The following LAMC2 variants were observed in gnomAD, a reference collection of about 807,000 sequenced individuals.
The protein encoded by LAMC2 is laminin subunit gamma 2, also known as laminin subunit gamma-2.
In LAMC2, 97 loss-of-function variants were observed where a neutral mutation model predicts 140.2. The ratio of observed to expected loss-of-function variants is 0.69; its 90% CI spans 0.59 to 0.82. The LOEUF (loss-of-function observed/expected upper bound fraction) is 0.82, where lower values mean the gene tolerates loss of function less well. LAMC2 is among the 40% of genes least tolerant of loss of function. The pLI is 0.00. For synonymous variants in LAMC2, 513 were observed against 540.2 expected, an observed-to-expected ratio of 0.95 and a Z score of 0.70; for missense variants, 1,402 against 1,476.1, an observed-to-expected ratio of 0.95 and a Z score of 0.82.
chr1:183,236,619 C>T lies in LAMC2; in HGVS notation c.2601+15C>T. 1 of 1,613,946 alleles carries T rather than the reference C, an allele frequency of 6.2e-7. No homozygotes were observed. On this transcript the variant is annotated intron_variant, in intron 17 of 22. Coordinates refer to ENST00000264144, the MANE Select transcript of LAMC2 (RefSeq NM_005562.3). ...AGTCCTTTCAGGTGAGGGCATCTGG[C>T]CTGTGTGCTTGATATACAGGAGGGC... is the stretch of plus-strand genomic sequence containing the variant.
At position 183,228,468 on chromosome 1, in the gene LAMC2, C is replaced by G; in HGVS notation, c.1563C>G (p.Asn521Lys). ...VRPCQPCQCN[N>K]NVDPSASGNC... ...CTTGTCAGCCCTGTCAATGCAACAA[C>G]AATGTGGACCCCAGTGCCTCTGGGA... The change falls in exon 11 of 23, where the codon AAC becomes AAG. Residue 521 changes from asparagine to lysine, a missense_variant. By Grantham distance (94) the Asn-to-Lys change is moderately conservative. Around this residue, in one of 3 missense-constraint regions of LAMC2, gnomAD observed 723 missense variants for 783.3 expected, o/e 0.92. Coordinates refer to ENST00000264144, the MANE Select transcript of LAMC2 (RefSeq NM_005562.3). This position sits in a 1 kb window ranked among gnomAD's most constrained non-coding sequence, Gnocchi z 4.3. 1.2e-6 allele frequency: 2 copies of G among 1,614,008 alleles called. No individual in the cohort carries two copies. Among genetic ancestry groups the G allele is most frequent in the South Asian group, 1.1e-5 (1 of 91,044 alleles).
At chr1:183,236,699 T>C in intron 17 of LAMC2, 95 bp downstream of exon 17, 1 of 1,412,690 alleles carries the variant, frequency 7.1e-7, no homozygotes, top group Non-Finnish European at 1.0e-6. Context: ...ATTCAGCTTT[T>C]TCTCCATGTT....
At chr1:183,208,847 T>G (rs1002706614) in intron 2 of LAMC2, among the ~76,000 whole-genome samples, 1 of 151,922 alleles carries the variant, frequency 6.6e-6, no homozygotes, top group Non-Finnish European at 1.5e-5. Context: ...GCCCAGCTAA[T>G]TTTTTGTATT....
At position 183,204,183 on chromosome 1, in the gene LAMC2, C is replaced by T. The variant is rs1239813777; in HGVS notation, c.80-3698C>T. The stretch of plus-strand genomic sequence containing the variant: ...GCATGCATCTGTGGTCCCAGCTACT[C>T]GGGAGGCTGAAGTGAGAAGATGGCT... On this transcript the variant is annotated intron_variant, in intron 1 of 22. Coordinates refer to ENST00000264144, the MANE Select transcript of LAMC2 (RefSeq NM_005562.3). Among the ~76,000 whole-genome samples, 4 of 152,128 alleles carry T rather than the reference C, an allele frequency of 2.6e-5. No homozygotes were observed. The East Asian group carries it at 5.8e-4, about 22-fold the overall frequency.
chr1:183,218,376 T>C lies in LAMC2; in HGVS notation c.405-14T>C, dbSNP rs1659344817. 1.2e-6 allele frequency: 2 copies of C among 1,609,878 alleles called. No individual in the cohort carries two copies. Among genetic ancestry groups the C allele is most frequent in the East Asian group, 4.5e-5 (2 of 44,874 alleles). ...TGGAAGCATGTCCCTAATTTTCTTT[T>C]TCTTCTTCCCCAGAGACTCCAAGTG... is the stretch of plus-strand genomic sequence containing the variant. On this transcript the variant is annotated splice_polypyrimidine_tract_variant and intron_variant, in intron 3 of 22. Transcript: ENST00000264144.
chr1:183,218,543 A>T (rs1267537822), intron 4 of LAMC2, 55 bp downstream of exon 4: 1 of 1,241,796 alleles, frequency 8.1e-7, no homozygotes. Context: ...GCCAACTAGC[A>T]TGAGAATTAA....
downstream of LAMC2, among the ~76,000 whole-genome samples, chr1:183,246,023 A>T (rs1660234891): frequency 6.6e-6 from 1 of 152,130 alleles, no homozygotes; most frequent in African/African-American, 2.4e-5. Flanking sequence ...CAAAAAAATT[A>T]GCCGGGCGTG....
At chr1:183,218,544 T>C (rs967348405) in intron 4 of LAMC2, 56 bp downstream of exon 4, 5 of 1,243,876 alleles carry the variant, frequency 4.0e-6, no homozygotes, top group Non-Finnish European at 5.8e-6. Context: ...CCAACTAGCA[T>C]GAGAATTAAT....
In LAMC2 at chr1:183,239,492, G is replaced by A. The variant is rs193261159; in HGVS notation, c.2998G>A (p.Ala1000Thr). 1.8e-5 allele frequency: 29 copies of A among 1,613,782 alleles called. No individual in the cohort carries two copies. The East Asian group carries it at 4.0e-4, about 22-fold the overall frequency. ...GCAAGCAGAAAGAGCCCTGGGGAGCGCTGCTGCTGATGCACAGAGGGCAAA... is the reference window on the plus strand; with the variant it reads ...GCAAGCAGAAAGAGCCCTGGGGAGCACTGCTGCTGATGCACAGAGGGCAAA... Reference protein sequence around the residue: ...TQQAERALGSAAADAQRAKNG... With the variant: ...TQQAERALGSTAADAQRAKNG... Residue 1000 changes from alanine to threonine, a missense_variant, in exon 20 of 23, where the codon GCT becomes ACT. Around this residue, in one of 3 missense-constraint regions of LAMC2, gnomAD observed 670 missense variants for 667.2 expected, o/e 1.00. Coordinates refer to ENST00000264144, the MANE Select transcript of LAMC2 (RefSeq NM_005562.3).
Position 183,228,003 on chromosome 1 carries a change from C to A in LAMC2, c.1468+306C>A, listed in dbSNP as rs1043580751. On this transcript the variant is annotated intron_variant, in intron 10 of 22. Transcript: ENST00000264144. The surrounding 1 kb of genome is among the most constrained non-coding windows in gnomAD (Gnocchi z 4.3). ...TTTGTTTCTTAATGAACTAAGATAA[C>A]GAGGGAAAACTTAGTGACTTCTTAA... Among the ~76,000 whole-genome samples the A allele has an allele frequency of 6.6e-6, 1 of 152,180 alleles. No individual in the cohort carries two copies. The highest frequency in any genetic ancestry group is 1.5e-5 in the Non-Finnish European group (1 of 68,028).
At chr1:183,195,758 A>C (rs1658492188) in intron 1 of LAMC2, among the ~76,000 whole-genome samples, 1 of 134,256 alleles carries the variant, frequency 7.4e-6, no homozygotes, top group Non-Finnish European at 1.7e-5. Context: ...AAGAAGATAA[A>C]ACTAGAAGCA....
chr1:183,213,581 C>T (rs890416464), intron 2 of LAMC2, among the ~76,000 whole-genome samples: 2 of 151,952 alleles, frequency 1.3e-5, no homozygotes, highest in African/African-American at 4.8e-5. Context: ...GCTGGTGGAT[C>T]ATGAGGTCAG....
In LAMC2 at chr1:183,220,853, G is replaced by T. The variant is rs1558089840; in HGVS notation, c.532G>T (p.Gly178Trp). The T allele has an allele frequency of 6.2e-7, 1 of 1,613,514 alleles. No individual in the cohort carries two copies. Among genetic ancestry groups the T allele is most frequent in the Admixed American group, 1.7e-5 (1 of 60,002 alleles). ...TCGATCAGGTTACTATAATCTGGAT[G>T]GGGGGAACCCTGAGGGCTGTACCCA... ...RCRSGYYNLDGGNPEGCTQCF... is the reference protein window; with the variant it reads ...RCRSGYYNLDWGNPEGCTQCF... The change falls in exon 5 of 23, where the codon GGG becomes TGG. Residue 178 changes from glycine to tryptophan, a missense_variant. Physicochemically the swap from Gly to Trp is radical, Grantham distance 184. This residue lies in a region of LAMC2 where 723 missense variants were observed against 783.3 expected (regional missense o/e 0.92). Transcript: ENST00000264144.
chr1:183,191,394 G>A (rs548569084), intron 1 of LAMC2, among the ~76,000 whole-genome samples: 34 of 152,138 alleles, frequency 2.2e-4, no homozygotes, highest in Non-Finnish European at 3.8e-4. Flanking sequence ...TTTGTGATTC[G>A]TGTTTATGGG....
At chr1:183,241,289 A>T in intron 22 of LAMC2, 1 of 983,988 alleles carries the variant, frequency 1.0e-6, no homozygotes. Context: ...TCACTTGCCG[A>T]TTTTACATTT....
intron 3 of LAMC2, among the ~76,000 whole-genome samples, chr1:183,216,214 G>C (rs965903334): frequency 1.3e-5 from 2 of 152,110 alleles, no homozygotes; most frequent in African/African-American, 4.8e-5. Context: ...CTCCTTGCTG[G>C]GACAGGAGCT....
In LAMC2 at chr1:183,239,512, G is replaced by A. The variant is rs754611813; in HGVS notation, c.3018G>A (p.Arg1006=). Residue 1006 remains arginine (R), a synonymous_variant, in exon 20 of 23, where the codon AGG becomes AGA. Coordinates refer to ENST00000264144, the MANE Select transcript of LAMC2 (RefSeq NM_005562.3). ...ALGSAAADAQ[R]AKNGAGEALE... is the part of the protein sequence containing the mutation. Reference sequence around the variant, plus strand: ...GGAGCGCTGCTGCTGATGCACAGAGGGCAAAGAATGGGGCCGGGGAGGCCC... The same window carrying A: ...GGAGCGCTGCTGCTGATGCACAGAGAGCAAAGAATGGGGCCGGGGAGGCCC... 8 of 1,613,412 alleles carry A rather than the reference G, an allele frequency of 5.0e-6. No homozygotes were observed. The highest frequency in any genetic ancestry group is 4.2e-6 in the Non-Finnish European group (5 of 1,179,818).
intron 3 of LAMC2, among the ~76,000 whole-genome samples, chr1:183,216,485 G>T (rs1258674000): frequency 6.6e-6 from 1 of 152,060 alleles, no homozygotes; most frequent in Non-Finnish European, 1.5e-5. Context: ...GTGCCTGCTT[G>T]GTTTCTCGTC....
rs1006777100 is a variant in LAMC2 at position 183,228,167 on chromosome 1, G to A, written c.1469-207G>A. Among the ~76,000 whole-genome samples, 2 of 152,188 alleles carry A rather than the reference G, an allele frequency of 1.3e-5. No individual in the cohort carries two copies. Among genetic ancestry groups the A allele is most frequent in the Non-Finnish European group, 2.9e-5 (2 of 68,036 alleles). On this transcript the variant is annotated intron_variant, in intron 10 of 22. Transcript: ENST00000264144. The surrounding 1 kb of genome is among the most constrained non-coding windows in gnomAD (Gnocchi z 4.3). ...CCAGCTAGTTAAGCCTCCTAGTGGC[G>A]CTACTGTGTTCTGCAACCTGCAGTG...
Sources: gnomAD v4.1 joint callset for allele counts (sites outside exome capture counted in the v4.1 genomes callset) on GRCh38, gnomAD v4.1.1 for gene constraint, gnomAD v4.1.1 regional missense constraint, Gnocchi (gnomAD v3.1) non-coding constraint, MANE v1.5 for transcripts, NCBI Gene and HGNC (gene_info 2026-07-23, HGNC 2026-07-21) for gene names.